Variants in GNAS observed in about 807,000 individuals in gnomAD.
GNAS encodes the protein protein ALEX.
GNAS carries 8 observed loss-of-function variants against 54.5 expected under a neutral mutation model. The ratio of observed to expected loss-of-function variants is 0.15; its 90% CI spans 0.09 to 0.26. The LOEUF (loss-of-function observed/expected upper bound fraction) is 0.26. Among genes scored for constraint, GNAS ranks in the 10% least tolerant of loss-of-function variants. The probability of loss-of-function intolerance (pLI) is 1.00; values close to 1 mark genes in which losing one functional copy is unlikely to be tolerated. For synonymous variants in GNAS, 204 were observed against 191.4 expected (o/e 1.07, Z -0.54); for missense variants, 170 against 529.8 (o/e 0.32, Z 6.67).
At chr20:58,884,594 A>T (rs1224458177) in intron 1 of GNAS, 1 of 152,204 alleles carries the variant, frequency 6.6e-6, no homozygotes, top group Non-Finnish European at 1.5e-5. Flanking sequence ...GTCTATTTTT[A>T]ACTAGTCTCC....
At position 58,909,446 on chromosome 20, in the gene GNAS, A is replaced by T. The variant is rs1307658866; in HGVS notation, c.659+23A>T. 2 of 1,610,396 alleles carry T rather than the reference A, an allele frequency of 1.2e-6. No homozygotes were observed. Among genetic ancestry groups the T allele is most frequent in the Non-Finnish European group, 1.7e-6 (2 of 1,176,672 alleles). On this transcript the variant is annotated intron_variant, in intron 8 of 12. Coordinates refer to ENST00000371085, the MANE Select transcript of GNAS (RefSeq NM_000516.7). The surrounding 1 kb of genome is among the most constrained non-coding windows in gnomAD (Gnocchi z 7.3). ...CCAGTAAGCCAACTGTTACCTTTTTATATAACAGAGATCATGGTTTCTTGA... is the reference window on the plus strand; with the variant it reads ...CCAGTAAGCCAACTGTTACCTTTTTTTATAACAGAGATCATGGTTTCTTGA...
chr20:58,879,491 A>G (rs980430770), intron 1 of GNAS, among the ~76,000 whole-genome samples: 1 of 152,232 alleles, frequency 6.6e-6, no homozygotes, highest in Non-Finnish European at 1.5e-5. Flanking sequence ...CAATTTGGTC[A>G]AAAGTTCAAT....
intron 1 of GNAS, among the ~76,000 whole-genome samples, chr20:58,885,524 C>T (rs1418051601): frequency 6.6e-6 from 1 of 152,112 alleles, no homozygotes; most frequent in East Asian, 1.9e-4. Context: ...TAATTGACTT[C>T]AAGTCTTCTG....
chr20:58,841,232 T>G lies in GNAS; in HGVS notation c.43+346T>G. The G allele has an allele frequency of 1.2e-6, 1 of 828,228 alleles. No individual in the cohort carries two copies. The highest frequency in any genetic ancestry group is 1.6e-6 in the Non-Finnish European group (1 of 641,558). 51.3% of individuals were successfully genotyped at this position (828,228 alleles called of 1,614,324 possible). A position where few individuals can be genotyped will look rare whatever the true frequency, so the allele number is the denominator to read the frequency against. ...ACCCAAACGGCATTGGTAAGTCACT[T>G]GTTTTGCGCGCTTTTCTTCCTCCTA... On this transcript the variant is annotated intron_variant, in intron 1 of 12. Coordinates refer to the GNAS transcript ENST00000306090. This position sits in a 1 kb window ranked among gnomAD's most constrained non-coding sequence, Gnocchi z 5.0.
At chr20:58,887,286 C>T (rs1178185714), upstream of GNAS, among the ~76,000 whole-genome samples, 1 of 152,222 alleles carries the variant, frequency 6.6e-6, no homozygotes, top group African/African-American at 2.4e-5. Context: ...TGCTTTTGAA[C>T]AAATGGAGCA....
intron 1 of GNAS, chr20:58,892,092 G>T: frequency 2.1e-6 from 2 of 969,128 alleles, no homozygotes; most frequent in Middle Eastern, 5.3e-4. Context: ...ACGCGGGCGC[G>T]GGTCCCCCTC....
At position 58,891,613 on chromosome 20, in the gene GNAS, AGCCCGCGCCCG is replaced by A; in HGVS notation, c.-107_-97del. ...CCGCGCGCTCCTTGCCGAGGAGCCG[AGCCCGCGCCCG>A]GCCCGCCCGCCCGGCGCTGCCCCGG... On this transcript the variant is annotated 5_prime_UTR_variant, in exon 1 of 13. Transcript: ENST00000371085. 1.0e-6 allele frequency: 1 copy of A among 962,706 alleles called. No individual in the cohort carries two copies. Among genetic ancestry groups the A allele is most frequent in the Non-Finnish European group, 1.2e-6 (1 of 820,084 alleles). 59.6% of individuals were successfully genotyped at this position (962,706 alleles called of 1,614,324 possible).
Position 58,910,132 on chromosome 20 carries a change from C to A in GNAS, c.970+51C>A, listed in dbSNP as rs1398139911. The A allele has an allele frequency of 6.3e-7, 1 of 1,594,592 alleles. No homozygotes were observed. On this transcript the variant is annotated intron_variant, in intron 11 of 12. Coordinates refer to ENST00000371085, the MANE Select transcript of GNAS (RefSeq NM_000516.7). The surrounding 1 kb of genome is among the most constrained non-coding windows in gnomAD (Gnocchi z 5.8). ...GCTGTTCATTGCGGTGGTTCTTTTT[C>A]AAACGGTCAGGCTGAAAACCCCCAT...
intron 1 of GNAS, chr20:58,884,738 GA>G (rs1295462593): frequency 6.6e-6 from 1 of 152,216 alleles, no homozygotes; most frequent in Non-Finnish European, 1.5e-5. Context: ...TTCAGTTTAG[GA>G]AAATTAGCTT....
chr20:58,884,523 G>A (rs755493773), intron 1 of GNAS: 1 of 152,132 alleles, frequency 6.6e-6, no homozygotes, highest in Non-Finnish European at 1.5e-5. Flanking sequence ...GTAAGATGTT[G>A]GATCAAAGTG....
chr20:58,861,791 C>T (rs959144591), intron 1 of GNAS, among the ~76,000 whole-genome samples: 7 of 152,030 alleles, frequency 4.6e-5, no homozygotes, highest in Admixed American at 1.3e-4. Context: ...CTGCAACCTC[C>T]GCCTCCCGGG....
intron 1 of GNAS, among the ~76,000 whole-genome samples, chr20:58,845,036 G>A (rs1300993784): frequency 5.7e-5 from 2 of 35,398 alleles, no homozygotes; most frequent in Non-Finnish European, 1.9e-4. Context: ...TGTGTTTTAC[G>A]TGTGTGTGTG....
At chr20:58,892,167 TTC>T (rs555117145) in intron 1 of GNAS, 4 of 964,386 alleles carry the variant, frequency 4.1e-6, no homozygotes, top group Admixed American at 1.3e-4. Context: ...CTTTCTCTCT[TTC>T]TCTCTTTTTC....
At position 58,853,719 on chromosome 20, in the gene GNAS, G is replaced by A; in HGVS notation, c.43+12833G>A. On this transcript the variant is annotated intron_variant, in intron 1 of 12. Transcript: ENST00000306090. This position sits in a 1 kb window ranked among gnomAD's most constrained non-coding sequence, Gnocchi z 4.4. Reference sequence around the variant, plus strand: ...CTTCAGTGGTGCCAGACCAGGCCTGGGAGGATACAGCCCTCCACCAGAAGA... The same window carrying A: ...CTTCAGTGGTGCCAGACCAGGCCTGAGAGGATACAGCCCTCCACCAGAAGA... 6.2e-7 allele frequency: 1 copy of A among 1,613,864 alleles called. No individual in the cohort carries two copies. The highest frequency in any genetic ancestry group is 8.5e-7 in the Non-Finnish European group (1 of 1,179,882).
Position 58,853,255 on chromosome 20 carries a change from G to A in GNAS, c.43+12369G>A, listed in dbSNP as rs997197300. The A allele has an allele frequency of 1.0e-5, 16 of 1,529,206 alleles. No individual in the cohort carries two copies. The highest frequency in any genetic ancestry group is 8.3e-5 in the African/African-American group (6 of 72,208). The allele number at this position is 1,529,206 out of a possible 1,614,324, so 94.7% of individuals were successfully genotyped here. On this transcript the variant is annotated intron_variant, in intron 1 of 12. Coordinates refer to the GNAS transcript ENST00000306090. The surrounding 1 kb of genome is among the most constrained non-coding windows in gnomAD (Gnocchi z 4.4). ...AGCCCCAAACTTATTTTGAGAGGCC[G>A]CCACCGTGTTATGGGCGTGCGCAAC...
At position 58,875,938 on chromosome 20, in the gene GNAS, C is replaced by G. The variant is rs527363234; in HGVS notation, c.44-19674C>G. On this transcript the variant is annotated intron_variant, in intron 1 of 12. Transcript: ENST00000306090. ...GCAGGAGTCCAGGCCAGCAAATAAG[C>G]CAGCAGCAAAACAACCTTGTTGTTT... Among the ~76,000 whole-genome samples, 8 of 152,302 alleles carry G rather than the reference C, an allele frequency of 5.3e-5. No homozygotes were observed. The South Asian group carries it at 8.3e-4, about 16-fold the overall frequency.
upstream of GNAS, chr20:58,840,500 G>A: frequency 6.2e-7 from 1 of 1,613,188 alleles, no homozygotes; most frequent in Non-Finnish European, 8.5e-7. The surrounding 1 kb of genome is among the most constrained non-coding windows in gnomAD (Gnocchi z 6.0). Flanking sequence ...GCCTGAGACC[G>A]CCCCCACCAC....
intron 1 of GNAS, among the ~76,000 whole-genome samples, chr20:58,883,435 C>T (rs1309294496): frequency 7.9e-5 from 12 of 152,148 alleles, no homozygotes; most frequent in African/African-American, 9.7e-5. Flanking sequence ...GACAGAGACC[C>T]TGGGACGTGG....
intron 1 of GNAS, among the ~76,000 whole-genome samples, chr20:58,893,165 A>T (rs1253877113): frequency 6.7e-6 from 1 of 149,682 alleles, no homozygotes; most frequent in Non-Finnish European, 1.5e-5. Context: ...AGATAAAAAG[A>T]CATTAATTAG....
Sources: gnomAD v4.1 joint callset for allele counts (sites outside exome capture counted in the v4.1 genomes callset) on GRCh38, gnomAD v4.1.1 for gene constraint, Gnocchi (gnomAD v3.1) non-coding constraint, MANE v1.5 for transcripts, NCBI Gene and HGNC (gene_info 2026-07-23, HGNC 2026-07-21) for gene names.